Variants in ZNF407 observed in about 807,000 individuals in gnomAD.
ZNF407 encodes zinc finger protein 407.
ZNF407 carries 17 observed loss-of-function variants against 131.2 expected under a neutral mutation model. The observed-to-expected ratio is 0.13, with a 90% CI of 0.09 to 0.19. The LOEUF is 0.19. Ranked by LOEUF, ZNF407 falls within the 10% of genes least tolerant of loss-of-function variation. The pLI is 1.00. For synonymous variants in ZNF407, 1,156 were observed against 1,062.0 expected, an observed-to-expected ratio of 1.09 and a Z score of -1.72; for missense variants, 2,681 against 2,830.6, an observed-to-expected ratio of 0.95 and a Z score of 1.20.
chr18:74,604,250 C>T (rs1412519930), intron 1 of ZNF407, among the ~76,000 whole-genome samples: 3 of 152,170 alleles, frequency 2.0e-5, no homozygotes, highest in Non-Finnish European at 4.4e-5. Flanking sequence ...TTAGATGGGT[C>T]CTTGCCTAGT....
chr18:74,687,027 G>A (rs1967111637), intron 3 of ZNF407, among the ~76,000 whole-genome samples: 1 of 152,106 alleles, frequency 6.6e-6, no homozygotes, highest in Admixed American at 6.6e-5. Context: ...ACAATCTCTT[G>A]GGGAATATGC....
intron 3 of ZNF407, among the ~76,000 whole-genome samples, chr18:74,763,224 G>C (rs1274207424): frequency 1.4e-4 from 2 of 13,896 alleles, no homozygotes; most frequent in African/African-American, 2.3e-4. Context: ...TTTTTTTTTT[G>C]CCATGTGTAT....
rs943766713 is a variant in ZNF407, at chr18:75,065,256, T to G, written c.*788T>G. The G allele has an allele frequency of 6.6e-6, 1 of 152,296 alleles. No homozygotes were observed. Among genetic ancestry groups the G allele is most frequent in the African/African-American group, 2.4e-5 (1 of 41,474 alleles). The allele number at this position is 152,296 out of a possible 1,614,324, so 9.4% of individuals were successfully genotyped here. ...AGTTTCATACAGTAAAGCCTAAATGTGAAACGCACACGCTGGAAGATATTG... is the reference window on the plus strand; with the variant it reads ...AGTTTCATACAGTAAAGCCTAAATGGGAAACGCACACGCTGGAAGATATTG... On this transcript the variant is annotated 3_prime_UTR_variant, in exon 9 of 9. Transcript: ENST00000299687.
intron 8 of ZNF407, among the ~76,000 whole-genome samples, chr18:74,967,576 T>C (rs1972423405): frequency 1.3e-5 from 2 of 152,310 alleles, no homozygotes; most frequent in South Asian, 4.1e-4. Flanking sequence ...AGAGAACATA[T>C]CCCAGGCTGG....
intron 4 of ZNF407, among the ~76,000 whole-genome samples, chr18:74,844,876 C>G (rs1275462500): frequency 6.6e-6 from 1 of 152,080 alleles, no homozygotes; most frequent in Non-Finnish European, 1.5e-5. Context: ...TGCGTCTGCC[C>G]TAAATAAGCT....
chr18:74,679,031 G>A (rs1392499773), intron 3 of ZNF407, among the ~76,000 whole-genome samples: 2 of 151,760 alleles, frequency 1.3e-5, no homozygotes, highest in African/African-American at 4.8e-5. Flanking sequence ...AAAATGATGG[G>A]TAGAGTAGGA....
intron 1 of ZNF407, among the ~76,000 whole-genome samples, chr18:74,600,560 TG>T (rs1390588745): frequency 6.6e-6 from 1 of 152,168 alleles, no homozygotes; most frequent in Non-Finnish European, 1.5e-5. Context: ...GAAGGAAGCT[TG>T]GGCTGTGGGT....
chr18:75,039,081 A>G (rs1348002701), intron 8 of ZNF407, among the ~76,000 whole-genome samples: 5 of 152,254 alleles, frequency 3.3e-5, no homozygotes, highest in African/African-American at 1.2e-4. Context: ...TCCTAATAAC[A>G]AAAGAAGAAG....
At chr18:75,042,398 T>C (rs1335669727) in intron 8 of ZNF407, among the ~76,000 whole-genome samples, 1 of 152,114 alleles carries the variant, frequency 6.6e-6, no homozygotes, top group Non-Finnish European at 1.5e-5. Context: ...GAAAAATAAG[T>C]CACTGAATTG....
At chr18:74,761,942 T>C (rs920608107) in intron 3 of ZNF407, among the ~76,000 whole-genome samples, 3 of 152,176 alleles carry the variant, frequency 2.0e-5, no homozygotes, top group Admixed American at 6.5e-5. Context: ...TTCAAATTGC[T>C]AGTATTTGTA....
At chr18:74,991,183 A>G (rs1439712279) in intron 8 of ZNF407, among the ~76,000 whole-genome samples, 2 of 152,246 alleles carry the variant, frequency 1.3e-5, no homozygotes, top group Non-Finnish European at 2.9e-5. Context: ...TTATGAAACT[A>G]AAAAGCTGAT....
In ZNF407 at chr18:75,064,417, C is replaced by A; in HGVS notation, c.6696C>A (p.Ala2232=). ...VVIYTQEGSS[A]AAAIQSQRES... is the part of the protein sequence containing the mutation. ...TCTACACCCAGGAGGGCTCCTCGGC[C>A]GCGGCGGCAATTCAGAGCCAAAGAG... The change falls in exon 9 of 9, where the codon GCC becomes GCA. Residue 2232 remains alanine, a synonymous_variant. Coordinates refer to ENST00000299687, the MANE Select transcript of ZNF407 (RefSeq NM_017757.3). 6.6e-7 allele frequency: 1 copy of A among 1,524,798 alleles called. No homozygotes were observed. Among genetic ancestry groups the A allele is most frequent in the Non-Finnish European group, 8.8e-7 (1 of 1,137,262 alleles). The allele number at this position is 1,524,798 out of a possible 1,614,324, so 94.5% of individuals were successfully genotyped here. A position where few individuals can be genotyped will look rare whatever the true frequency, so the allele number is the denominator to read the frequency against.
chr18:74,833,225 G>A (rs993703316), intron 4 of ZNF407, among the ~76,000 whole-genome samples: 5 of 152,160 alleles, frequency 3.3e-5, no homozygotes, highest in African/African-American at 1.2e-4. Flanking sequence ...GCTGTTGCAG[G>A]GTCAGCAGGG....
At chr18:74,681,716 A>T (rs1293039097) in intron 3 of ZNF407, among the ~76,000 whole-genome samples, 1 of 152,076 alleles carries the variant, frequency 6.6e-6, no homozygotes, top group African/African-American at 2.4e-5. Flanking sequence ...CCTAAATAGA[A>T]TTTTTCATAT....
At chr18:74,928,209 C>A (rs1372419116) in intron 8 of ZNF407, among the ~76,000 whole-genome samples, 3 of 152,124 alleles carry the variant, frequency 2.0e-5, no homozygotes, top group Non-Finnish European at 4.4e-5. Context: ...AAAGGTGGGA[C>A]ATCTCAAGCA....
chr18:75,058,847 A>G (rs2122284368), intron 8 of ZNF407, among the ~76,000 whole-genome samples: 1 of 152,336 alleles, frequency 6.6e-6, no homozygotes, highest in East Asian at 1.9e-4. Context: ...TGACACTTGA[A>G]CTTCTACATA....
At chr18:74,779,110 T>TATATATATATATA (rs1555687155) in intron 3 of ZNF407, among the ~76,000 whole-genome samples, 5 of 12,476 alleles carry the variant, frequency 4.0e-4, no homozygotes, top group Admixed American at 2.0e-3. Context: ...TATATATATA[T>TATATATATATATA]TTTTTTTTTT....
chr18:74,662,517 G>A (rs1599049856), intron 3 of ZNF407, among the ~76,000 whole-genome samples: 2 of 152,110 alleles, frequency 1.3e-5, no homozygotes, highest in Non-Finnish European at 2.9e-5. Flanking sequence ...TTTTAGCTAG[G>A]CTGTATATTT....
intron 6 of ZNF407, 136 bp downstream of exon 6, chr18:74,881,255 T>G: frequency 3.0e-6 from 2 of 670,298 alleles, no homozygotes; most frequent in Non-Finnish European, 2.4e-6. Flanking sequence ...TACAGATAAT[T>G]CCAGTTGAAT....
Sources: gnomAD v4.1 joint callset for allele counts (sites outside exome capture counted in the v4.1 genomes callset) on GRCh38, gnomAD v4.1.1 for gene constraint, MANE v1.5 for transcripts, NCBI Gene and HGNC (gene_info 2026-07-23, HGNC 2026-07-21) for gene names.